The following GRAMD4 variants were observed in gnomAD, a reference collection of about 807,000 sequenced individuals.
GRAMD4 encodes GRAM domain-containing protein 4.
A neutral mutation model predicts 83.9 loss-of-function variants in GRAMD4; 25 were observed. That is an observed-to-expected ratio of 0.30 (90% CI 0.22 to 0.42). The LOEUF is 0.42. Ranked by LOEUF, GRAMD4 falls within the 10% of genes least tolerant of loss-of-function variation. The probability of loss-of-function intolerance (pLI) is 1.00; values close to 1 mark genes in which losing one functional copy is unlikely to be tolerated. For missense variants in GRAMD4, 593 were observed against 788.7 expected, an observed-to-expected ratio of 0.75 and a Z score of 2.97; for synonymous variants, 336 against 320.9, an observed-to-expected ratio of 1.05 and a Z score of -0.50.
At chr22:46,612,844 G>A (rs1202775140) in intron 1 of GRAMD4, among the ~76,000 whole-genome samples, 2 of 152,200 alleles carry the variant, frequency 1.3e-5, no homozygotes, top group African/African-American at 4.8e-5. Flanking sequence ...TCCCTGACGC[G>A]GTCTCCTGCT....
intron 1 of GRAMD4, among the ~76,000 whole-genome samples, chr22:46,612,397 GTTGGAGGAAGGCCTTCTCTCC>G (rs1000205446): frequency 5.3e-5 from 8 of 152,334 alleles, no homozygotes; most frequent in African/African-American, 1.9e-4. Context: ...TCCTTGGCCT[GTTGGAGGAAGGCCTTCTCTCC>G]TTGGTGTCAG....
rs924547372 is a variant in GRAMD4 at position 46,622,753 on chromosome 22, A to G, written c.-50+2188A>G. On this transcript the variant is annotated intron_variant, in intron 1 of 18. Coordinates refer to ENST00000406902, the MANE Select transcript of GRAMD4 (RefSeq NM_015124.5). The surrounding 1 kb of genome is among the most constrained non-coding windows in gnomAD (Gnocchi z 4.0). Reference sequence around the variant, plus strand: ...ATGGCGAAACTCCGTCTCTACTAAAAATACAAAAAATTAGCTGGTGTGGTG... The same window carrying G: ...ATGGCGAAACTCCGTCTCTACTAAAGATACAAAAAATTAGCTGGTGTGGTG... Among the ~76,000 whole-genome samples the G allele has an allele frequency of 1.3e-5, 2 of 152,094 alleles. No homozygotes were observed. The highest frequency in any genetic ancestry group is 4.8e-5 in the African/African-American group (2 of 41,392).
chr22:46,653,193 G>C (rs1233077929), intron 3 of GRAMD4, among the ~76,000 whole-genome samples: 1 of 152,256 alleles, frequency 6.6e-6, no homozygotes, highest in Non-Finnish European at 1.5e-5. Context: ...TTGCCACGCT[G>C]TCCGAGGAGC....
At chr22:46,661,223 C>T (rs573246511) in intron 4 of GRAMD4, among the ~76,000 whole-genome samples, 158 bp from the exon 5 acceptor site, 67 of 152,334 alleles carry the variant, frequency 4.4e-4, no homozygotes, top group African/African-American at 1.5e-3. Flanking sequence ...TGGATACGCT[C>T]GGAACCAGCA....
chr22:46,614,072 A>G (rs2081444875), intron 1 of GRAMD4, among the ~76,000 whole-genome samples: 1 of 152,260 alleles, frequency 6.6e-6, no homozygotes, highest in South Asian at 2.1e-4. Context: ...TTGGCCGTTA[A>G]TAAAAATGAA....
chr22:46,636,744 A>G (rs1245870861), intron 2 of GRAMD4, among the ~76,000 whole-genome samples: 68 of 152,180 alleles, frequency 4.5e-4, no homozygotes, highest in Non-Finnish European at 2.9e-5. Flanking sequence ...TGTGGCATCC[A>G]GTGTGGGGCC....
At chr22:46,634,937 C>T (rs1011656859) in intron 2 of GRAMD4, among the ~76,000 whole-genome samples, 5 of 149,678 alleles carry the variant, frequency 3.3e-5, no homozygotes, top group Non-Finnish European at 5.9e-5. Flanking sequence ...AGTGAGACTT[C>T]ACCATCTCAA....
Position 46,675,523 on chromosome 22 carries a change from A to C in GRAMD4, c.1534A>C (p.Lys512Gln). Reference sequence around the variant, plus strand: ...GTCCTCAAAGAGGAACAAAGTCATCAAGCTAGTGGACATCACGGACATCCA... The same window carrying C: ...GTCCTCAAAGAGGAACAAAGTCATCCAGCTAGTGGACATCACGGACATCCA... ...SGSSKRNKVIKLVDITDIQKY... is the reference protein window; with the variant it reads ...SGSSKRNKVIQLVDITDIQKY... Residue 512 changes from lysine (K) to glutamine (Q), a missense_variant, in exon 17 of 19, where the codon AAG (lysine) becomes CAG (glutamine). Physicochemically the swap from Lys to Gln is moderately conservative, Grantham distance 53. This residue lies in a region of GRAMD4 where 74 missense variants were observed against 152.7 expected (regional missense o/e 0.48). Coordinates refer to ENST00000406902, the MANE Select transcript of GRAMD4 (RefSeq NM_015124.5). 1 of 1,612,796 alleles carries C rather than the reference A, an allele frequency of 6.2e-7. No individual in the cohort carries two copies. Among genetic ancestry groups the C allele is most frequent in the East Asian group, 2.2e-5 (1 of 44,848 alleles).
chr22:46,664,145 G>C, intron 8 of GRAMD4, 28 bp downstream of exon 8: 1 of 1,502,950 alleles, frequency 6.7e-7, no homozygotes, highest in East Asian at 2.3e-5. Context: ...GGGCCGAGCA[G>C]GGTGGGTGGG....
At chr22:46,600,107 G>A (rs894949030) in intron 1 of GRAMD4, among the ~76,000 whole-genome samples, 24 of 152,128 alleles carry the variant, frequency 1.6e-4, no homozygotes, top group African/African-American at 5.6e-4. Flanking sequence ...GTCTGTCTTG[G>A]GAATCGACTG....
intron 3 of GRAMD4, among the ~76,000 whole-genome samples, chr22:46,647,383 A>G (rs2082086650): frequency 6.6e-6 from 1 of 152,262 alleles, no homozygotes; most frequent in South Asian, 2.1e-4. Context: ...GCCCTGGGAT[A>G]CTTCATTGCC....
At chr22:46,607,557 C>T (rs1046027124) in intron 1 of GRAMD4, among the ~76,000 whole-genome samples, 8 of 152,118 alleles carry the variant, frequency 5.3e-5, no homozygotes, top group African/African-American at 9.7e-5. Flanking sequence ...CCAGGGGATT[C>T]GCCCGATGCT....
At chr22:46,625,101 C>A (rs570510635) in intron 1 of GRAMD4, among the ~76,000 whole-genome samples, 1 of 152,256 alleles carries the variant, frequency 6.6e-6, no homozygotes, top group Non-Finnish European at 1.5e-5. Context: ...ACCTTGTGAT[C>A]CGCCCGCCTC....
upstream of GRAMD4, among the ~76,000 whole-genome samples, chr22:46,619,699 C>T (rs1424162898): frequency 2.0e-5 from 3 of 152,204 alleles, no homozygotes; most frequent in Non-Finnish European, 4.4e-5. Flanking sequence ...TCCTCACGTC[C>T]TCTTCAGCTG....
At chr22:46,576,955 G>C (rs1480467039), upstream of GRAMD4, among the ~76,000 whole-genome samples, 2 of 145,438 alleles carry the variant, frequency 1.4e-5, no homozygotes, top group Non-Finnish European at 3.1e-5. Context: ...GACCCGCCAG[G>C]GCAGGCGCGC....
At chr22:46,619,850 G>A (rs1275075783), upstream of GRAMD4, among the ~76,000 whole-genome samples, 4 of 152,208 alleles carry the variant, frequency 2.6e-5, no homozygotes, top group Non-Finnish European at 4.4e-5. Context: ...GGGGGTGGGG[G>A]AGGTGTGTCT....
chr22:46,668,257 C>T (rs1231923083), intron 11 of GRAMD4, 90 bp downstream of exon 11: 21 of 845,518 alleles, frequency 2.5e-5, no homozygotes, highest in East Asian at 2.3e-4. Flanking sequence ...GGTAGGTCTC[C>T]GCCGGCCTCC....
intron 1 of GRAMD4, among the ~76,000 whole-genome samples, chr22:46,582,988 G>A (rs113959901): frequency 1.6e-4 from 25 of 152,072 alleles, no homozygotes; most frequent in African/African-American, 7.2e-5. Context: ...GCAATGGTGC[G>A]ATCTCAGCTC....
At chr22:46,631,478 G>T (rs1183174862) in intron 2 of GRAMD4, among the ~76,000 whole-genome samples, 2 of 114,924 alleles carry the variant, frequency 1.7e-5, no homozygotes, top group Admixed American at 1.8e-4. Flanking sequence ...CACGGCCTGT[G>T]TCCTTTCGTC....
Sources: gnomAD v4.1 joint callset for allele counts (sites outside exome capture counted in the v4.1 genomes callset) on GRCh38, gnomAD v4.1.1 for gene constraint, gnomAD v4.1.1 regional missense constraint, Gnocchi (gnomAD v3.1) non-coding constraint, MANE v1.5 for transcripts, NCBI Gene and HGNC (gene_info 2026-07-23, HGNC 2026-07-21) for gene names.